Variants in CACNA1S observed in about 807,000 individuals in gnomAD.
The protein encoded by CACNA1S is voltage-dependent L-type calcium channel subunit alpha-1S.
Under a neutral mutation model 207.4 loss-of-function variants are expected in CACNA1S, and 126 were observed. The observed-to-expected ratio is 0.61, with a 90% confidence interval of 0.53 to 0.70. The LOEUF (loss-of-function observed/expected upper bound fraction) is 0.70. Among genes scored for constraint, CACNA1S ranks in the 30% least tolerant of loss-of-function variants. The probability of loss-of-function intolerance (pLI) is 0.00; values close to 1 mark genes in which losing one functional copy is unlikely to be tolerated. For missense variants in CACNA1S, 2,349 were observed against 2,422.8 expected, an observed-to-expected ratio of 0.97 and a Z score of 0.64; for synonymous variants, 960 against 932.7, an observed-to-expected ratio of 1.03 and a Z score of -0.53.
At chr1:201,062,243 G>T (rs571160668) in intron 23 of CACNA1S, among the ~76,000 whole-genome samples, 153 bp from the exon 24 acceptor site, 4 of 152,222 alleles carry the variant, frequency 2.6e-5, no homozygotes, top group African/African-American at 9.6e-5. Flanking sequence ...CGAGGAAAGG[G>T]GCCTCTGTGA....
chr1:201,090,095 T>C (rs1036019806), intron 5 of CACNA1S, among the ~76,000 whole-genome samples: 2 of 152,224 alleles, frequency 1.3e-5, no homozygotes, highest in African/African-American at 2.4e-5. Flanking sequence ...AGAGATTAGA[T>C]TGGCTCATCA....
chr1:201,111,231 C>T (rs1350784659), intron 1 of CACNA1S, among the ~76,000 whole-genome samples: 2 of 152,158 alleles, frequency 1.3e-5, no homozygotes, highest in Non-Finnish European at 2.9e-5. Context: ...ACTATCTCTA[C>T]TTGCCCCACG....
At chr1:201,072,251 A>C (rs1661455771) in intron 16 of CACNA1S, among the ~76,000 whole-genome samples, 1 of 152,082 alleles carries the variant, frequency 6.6e-6, no homozygotes, top group African/African-American at 2.4e-5. Flanking sequence ...TTTCTTATCC[A>C]TGCTCCCCCT....
At position 201,066,323 on chromosome 1, in the gene CACNA1S, G is replaced by A. The variant is rs1164819470; in HGVS notation, c.2658-7C>T. ...CACGGAGATGGCACTGGACCTGGGG[G>A]GCGGCAATGGTGAGGGGGCTGAGGG... On this transcript the variant is annotated splice_polypyrimidine_tract_variant and splice_region_variant and intron_variant, in intron 20 of 43. Coordinates refer to ENST00000362061, the MANE Select transcript of CACNA1S (RefSeq NM_000069.3). The surrounding 1 kb of genome is among the most constrained non-coding windows in gnomAD (Gnocchi z 4.3). 6.2e-7 allele frequency: 1 copy of A among 1,608,914 alleles called. No individual in the cohort carries two copies. Among genetic ancestry groups the A allele is most frequent in the Non-Finnish European group, 8.5e-7 (1 of 1,179,730 alleles).
chr1:201,074,462 A>G, intron 14 of CACNA1S, 44 bp downstream of exon 14: 2 of 1,271,890 alleles, frequency 1.6e-6, no homozygotes, highest in Middle Eastern at 1.8e-4. Context: ...GGCCATGGCC[A>G]CGACTGAGCA....
In CACNA1S at chr1:201,092,032, C is replaced by T. The variant is rs138265497; in HGVS notation, c.481G>A (p.Val161Ile). The change falls in exon 4 of 44, where the codon GTC (valine) becomes ATC (isoleucine). Residue 161 changes from valine to isoleucine, a missense_variant. Coordinates refer to ENST00000362061, the MANE Select transcript of CACNA1S (RefSeq NM_000069.3). ...PMSSKGAGLD[V>I]KALRAFRVLR... Reference sequence around the variant, plus strand: ...ACTCGGAAGGCTCTGAGGGCCTTGACATCCAAGCCGGCTCCTTTGCTGCTC... The same window carrying T: ...ACTCGGAAGGCTCTGAGGGCCTTGATATCCAAGCCGGCTCCTTTGCTGCTC... 126 of 1,614,024 alleles carry T rather than the reference C, an allele frequency of 7.8e-5. No individual in the cohort carries two copies. The highest frequency in any genetic ancestry group is 9.7e-5 in the Non-Finnish European group (115 of 1,180,034).
chr1:201,049,247 G>A (rs1031479213), intron 34 of CACNA1S, 148 bp from the exon 35 acceptor site: 2 of 638,636 alleles, frequency 3.1e-6, no homozygotes, highest in Non-Finnish European at 5.6e-6. Flanking sequence ...TGGGAGCCCA[G>A]CTCCCTTTTA....
At chr1:201,100,579 C>T (rs1356314400) in intron 2 of CACNA1S, among the ~76,000 whole-genome samples, 1 of 152,196 alleles carries the variant, frequency 6.6e-6, no homozygotes, top group African/African-American at 2.4e-5. Flanking sequence ...TCTTCCCCTC[C>T]CTGTACAGCA....
At position 201,083,265 on chromosome 1, in the gene CACNA1S, C is replaced by G. The variant is rs1241905770; in HGVS notation, c.1290G>C (p.Lys430Asn). 13 of 1,614,116 alleles carry G rather than the reference C, an allele frequency of 8.1e-6. No homozygotes were observed. The highest frequency in any genetic ancestry group is 1.0e-5 in the Non-Finnish European group (12 of 1,180,044). ...TCACCAGCCAATAGAAGACCTTGGA[C>G]TTCACGATGTCATGGCACTTCCAGC... ...IFRWKCHDIV[K>N]SKVFYWLVIL... is the part of the protein sequence containing the mutation. Residue 430 changes from lysine (K) to asparagine (N), a missense_variant, in exon 10 of 44, where the codon AAG becomes AAC. Lys to Asn is a moderately conservative substitution (Grantham distance 94). Coordinates refer to ENST00000362061, the MANE Select transcript of CACNA1S (RefSeq NM_000069.3).
chr1:201,050,842 G>A, intron 33 of CACNA1S, 142 bp downstream of exon 33: 3 of 923,364 alleles, frequency 3.2e-6, no homozygotes, highest in Non-Finnish European at 5.3e-6. Flanking sequence ...ACCAGAATGG[G>A]GGACAACCTA....
rs1167543607 is a variant in CACNA1S at position 201,073,793 on chromosome 1, C to T, written c.2064-151G>A. 2.2e-5 allele frequency: 17 copies of T among 769,842 alleles called. 1 individual carries two copies. The East Asian group carries it at 2.9e-4, about 13-fold the overall frequency. 47.7% of individuals were successfully genotyped at this position (769,842 alleles called of 1,614,324 possible). A position where few individuals can be genotyped will look rare whatever the true frequency, so the allele number is the denominator to read the frequency against. ...GCCCCCAAATGGGAAGGGCAGTGGGCTCAGGCAAGTCCCTTCTCTGTGGTG... is the reference window on the plus strand; with the variant it reads ...GCCCCCAAATGGGAAGGGCAGTGGGTTCAGGCAAGTCCCTTCTCTGTGGTG... On this transcript the variant is annotated intron_variant, in intron 14 of 43. Coordinates refer to ENST00000362061, the MANE Select transcript of CACNA1S (RefSeq NM_000069.3).
At chr1:201,054,843 T>G (rs1292782648) in intron 28 of CACNA1S, among the ~76,000 whole-genome samples, 1 of 152,190 alleles carries the variant, frequency 6.6e-6, no homozygotes, top group Non-Finnish European at 1.5e-5. Flanking sequence ...ATTTTGGAGA[T>G]GCAGCTACGG....
rs1660742327 is a variant in CACNA1S, at chr1:201,053,873, C to A, written c.3667-286G>T. Reference sequence around the variant, plus strand: ...AGGGATTTGCCCTGGGGTGTGGCTGCACCCAGGCCCACTGCCTGCCCTCTG... The same window carrying A: ...AGGGATTTGCCCTGGGGTGTGGCTGAACCCAGGCCCACTGCCTGCCCTCTG... On this transcript the variant is annotated intron_variant, in intron 29 of 43. Coordinates refer to ENST00000362061, the MANE Select transcript of CACNA1S (RefSeq NM_000069.3). The surrounding 1 kb of genome is among the most constrained non-coding windows in gnomAD (Gnocchi z 5.1). Among the ~76,000 whole-genome samples the A allele has an allele frequency of 6.6e-6, 1 of 152,132 alleles. No homozygotes were observed. The highest frequency in any genetic ancestry group is 6.5e-5 in the Admixed American group (1 of 15,282).
chr1:201,053,264 T>C lies in CACNA1S; in HGVS notation c.3806A>G (p.Tyr1269Cys). 2 of 1,614,212 alleles carry C rather than the reference T, an allele frequency of 1.2e-6. No individual in the cohort carries two copies. The highest frequency in any genetic ancestry group is 1.7e-6 in the Non-Finnish European group (2 of 1,180,030). Residue 1269 changes from tyrosine to cysteine, a missense_variant, in exon 31 of 44, where the codon TAC becomes TGC. Transcript: ENST00000362061. The surrounding 1 kb of genome is among the most constrained non-coding windows in gnomAD (Gnocchi z 5.1). Reference sequence around the variant, plus strand: ...GAGCATGACGATGAGCAGAGCCACGTAGGGTAGGGCCTGCAGGGCGGGCGG... The same window carrying C: ...GAGCATGACGATGAGCAGAGCCACGCAGGGTAGGGCCTGCAGGGCGGGCGG... ...TFIKSFQALPYVALLIVMLFF... is the reference protein window; with the variant it reads ...TFIKSFQALPCVALLIVMLFF...
At chr1:201,060,948 T>C (rs1469979685) in intron 25 of CACNA1S, 132 bp from the exon 26 acceptor site, 4 of 1,109,778 alleles carry the variant, frequency 3.6e-6, no homozygotes, top group Admixed American at 1.7e-5. Flanking sequence ...CTGTGAACTG[T>C]TTAGGGGAAT....
chr1:201,059,960 C>T (rs757321628), intron 26 of CACNA1S, among the ~76,000 whole-genome samples: 8 of 152,364 alleles, frequency 5.3e-5, no homozygotes, highest in Admixed American at 2.6e-4. Context: ...GATCTGATGG[C>T]TGCCTCCACC....
At chr1:201,077,706 G>A (rs1236768135) in intron 11 of CACNA1S, among the ~76,000 whole-genome samples, 173 bp downstream of exon 11, 1 of 152,234 alleles carries the variant, frequency 6.6e-6, no homozygotes, top group Non-Finnish European at 1.5e-5. Flanking sequence ...AAGTGGGGAA[G>A]TGATTCTTTT....
Position 201,066,155 on chromosome 1 carries a change from A to G in CACNA1S, c.2745+74T>C. On this transcript the variant is annotated intron_variant, in intron 21 of 43. Coordinates refer to ENST00000362061, the MANE Select transcript of CACNA1S (RefSeq NM_000069.3). The surrounding 1 kb of genome is among the most constrained non-coding windows in gnomAD (Gnocchi z 4.3). ...AGGGGTCCCAGCCATGGCTGGGCTG[A>G]GGTTTCTGGAGCGAGGAGGCCCCTG... is the stretch of plus-strand genomic sequence containing the variant. 1.4e-6 allele frequency: 2 copies of G among 1,414,528 alleles called. No homozygotes were observed. The highest frequency in any genetic ancestry group is 1.0e-6 in the Non-Finnish European group (1 of 999,676). The allele number at this position is 1,414,528 out of a possible 1,614,324, so 87.6% of individuals were successfully genotyped here.
intron 8 of CACNA1S, 126 bp from the exon 9 acceptor site, chr1:201,085,157 C>T (rs1661991566): frequency 2.6e-6 from 2 of 783,400 alleles, no homozygotes. Flanking sequence ...CCTAGGTAGG[C>T]CTGGATTGCT....
Sources: gnomAD v4.1 joint callset for allele counts (sites outside exome capture counted in the v4.1 genomes callset) on GRCh38, gnomAD v4.1.1 for gene constraint, Gnocchi (gnomAD v3.1) non-coding constraint, MANE v1.5 for transcripts, NCBI Gene and HGNC (gene_info 2026-07-23, HGNC 2026-07-21) for gene names.